GRID2: variants seen among roughly 807,000 people sequenced by gnomAD.
GRID2 encodes the protein glutamate ionotropic receptor delta type subunit 2.
Under a neutral mutation model 114.8 loss-of-function variants are expected in GRID2, and 33 were observed. The observed-to-expected ratio is 0.29, with a 90% confidence interval of 0.22 to 0.38. The LOEUF is 0.38. GRID2 is among the 10% of genes least tolerant of loss of function. GRID2 has a pLI of 1.00. For synonymous variants in GRID2, 505 were observed against 449.9 expected, an observed-to-expected ratio of 1.12 and a Z score of -1.55; for missense variants, 1,184 against 1,257.7, an observed-to-expected ratio of 0.94 and a Z score of 0.89.
At chr4:92,535,743 C>G (rs78303496) in intron 1 of GRID2, among the ~76,000 whole-genome samples, 2,036 of 152,290 alleles carry the variant, frequency 0.013, 24 homozygotes, top group Non-Finnish European at 0.021. Flanking sequence ...TTCTTGGTCT[C>G]GCTAACTTCA....
chr4:93,617,191 C>G lies in GRID2; in HGVS notation c.2194-9078C>G, dbSNP rs538142709. 1.1e-3 allele frequency among the ~76,000 whole-genome samples: 163 copies of G among 152,198 alleles called. 1 individual carries two copies. Among genetic ancestry groups the G allele is most frequent in the African/African-American group, 3.8e-3 (156 of 41,524 alleles). On this transcript the variant is annotated intron_variant, in intron 13 of 15. Transcript: ENST00000282020. ...AACACGTCTGTTAGCAAAATTTTGT[C>G]CTTTTGTTTTCCCACGGCACATTTT...
At chr4:93,794,745 T>G (rs556979681) in intron 1 of GRID2, among the ~76,000 whole-genome samples, 3 of 152,334 alleles carry the variant, frequency 2.0e-5, no homozygotes, top group Admixed American at 2.0e-4. Context: ...AGAAATAAAC[T>G]GTGCTTAACC....
At chr4:92,668,663 T>C (rs12649323) in intron 2 of GRID2, among the ~76,000 whole-genome samples, 9,212 of 151,860 alleles carry the variant, frequency 0.061, 336 homozygotes, top group East Asian at 0.16. Context: ...TGATTAAATG[T>C]AGTAGAGACA....
chr4:93,553,451 C>A (rs750839760), intron 13 of GRID2, among the ~76,000 whole-genome samples: 1 of 152,128 alleles, frequency 6.6e-6, no homozygotes. Flanking sequence ...GAGGTTTATA[C>A]GTATTATAGT....
At position 93,302,191 on chromosome 4, in the gene GRID2, C is replaced by T. The variant is rs548873240; in HGVS notation, c.1245+63701C>T. On this transcript the variant is annotated intron_variant, in intron 8 of 15. Transcript: ENST00000282020. Reference sequence around the variant, plus strand: ...CAGATTTTTTCAATTCTCTTATCTTCGCATTATTAAACATTTTATACATGC... The same window carrying T: ...CAGATTTTTTCAATTCTCTTATCTTTGCATTATTAAACATTTTATACATGC... Among the ~76,000 whole-genome samples, 5 of 152,190 alleles carry T rather than the reference C, an allele frequency of 3.3e-5. No individual in the cohort carries two copies. In the East Asian group the frequency reaches 7.7e-4, roughly 23 times the overall value.
intron 1 of GRID2, among the ~76,000 whole-genome samples, chr4:93,782,462 C>T (rs955224964): frequency 6.6e-6 from 1 of 152,072 alleles, no homozygotes; most frequent in African/African-American, 2.4e-5. Context: ...TCTGCTTCAA[C>T]GTGAGAGTTC....
chr4:92,433,940 C>T (rs1371298558), intron 1 of GRID2, among the ~76,000 whole-genome samples: 1 of 152,100 alleles, frequency 6.6e-6, no homozygotes, highest in African/African-American at 2.4e-5. Context: ...AAAAGAAGAA[C>T]CTAGAATGAG....
At chr4:93,484,563 G>T (rs1252018381) in intron 11 of GRID2, among the ~76,000 whole-genome samples, 1 of 151,848 alleles carries the variant, frequency 6.6e-6, no homozygotes, top group African/African-American at 2.4e-5. Flanking sequence ...GCAACTGGGG[G>T]GCTGCCACAA....
intron 4 of GRID2, among the ~76,000 whole-genome samples, chr4:93,174,272 C>G (rs571311887): frequency 7.2e-5 from 11 of 152,246 alleles, no homozygotes; most frequent in East Asian, 5.8e-4. Context: ...ATACCTCCCC[C>G]CAAAACCCCA....
At chr4:92,500,396 A>G (rs779358079) in intron 1 of GRID2, among the ~76,000 whole-genome samples, 1 of 152,076 alleles carries the variant, frequency 6.6e-6, no homozygotes, top group Non-Finnish European at 1.5e-5. Flanking sequence ...TTAAAAAAAA[A>G]CATATTTTTA....
Position 92,587,098 on chromosome 4 carries a change from CTGTGTGTGTGTG to C in GRID2, c.89-3001_89-2990del, listed in dbSNP as rs70942914. Among the ~76,000 whole-genome samples the C allele has an allele frequency of 5.3e-3, 708 of 133,840 alleles. 8 individuals carry two copies. Among genetic ancestry groups the C allele is most frequent in the African/African-American group, 0.018 (660 of 36,480 alleles). 87.8% of individuals were successfully genotyped at this position (133,840 alleles called of 152,430 possible). ...ATATATAGAGAGTACTGATGAAATG[CTGTGTGTGTGTG>C]TGTGTGTGTGTGTGTGTGTGTGTGT... is the stretch of plus-strand genomic sequence containing the variant. On this transcript the variant is annotated intron_variant, in intron 1 of 15. Transcript: ENST00000282020.
At chr4:92,989,300 A>AAAAAAT (rs1553962743) in intron 2 of GRID2, among the ~76,000 whole-genome samples, 7 of 92,234 alleles carry the variant, frequency 7.6e-5, no homozygotes, top group African/African-American at 3.1e-4. Context: ...AAAAAAAAAA[A>AAAAAAT]AATAATAATA....
chr4:92,493,422 G>T (rs908017114), intron 1 of GRID2, among the ~76,000 whole-genome samples: 3 of 152,122 alleles, frequency 2.0e-5, no homozygotes, highest in African/African-American at 4.8e-5. Flanking sequence ...GGACAAGAGA[G>T]ACATAGCCCA....
intron 2 of GRID2, among the ~76,000 whole-genome samples, chr4:92,675,399 T>C (rs1341662194): frequency 6.6e-6 from 1 of 152,120 alleles, no homozygotes; most frequent in Non-Finnish European, 1.5e-5. Flanking sequence ...TCTTCAGAAT[T>C]TTGGAGCTTT....
chr4:92,875,164 T>G (rs1745535233), intron 2 of GRID2, among the ~76,000 whole-genome samples: 1 of 145,178 alleles, frequency 6.9e-6, no homozygotes, highest in Non-Finnish European at 1.5e-5. Context: ...TTTTTTTTTT[T>G]TTTTTTTTTT....
intron 2 of GRID2, among the ~76,000 whole-genome samples, chr4:92,960,975 C>G (rs1274113312): frequency 1.3e-5 from 2 of 151,832 alleles, no homozygotes; most frequent in Non-Finnish European, 2.9e-5. Context: ...AAATTTACAA[C>G]TAATCCAAGT....
chr4:92,975,588 C>G (rs929793097), intron 2 of GRID2, among the ~76,000 whole-genome samples: 1 of 152,104 alleles, frequency 6.6e-6, no homozygotes, highest in Non-Finnish European at 1.5e-5. Context: ...TCTCTGTCAC[C>G]TCACTTTTTC....
At chr4:93,631,129 G>T (rs573966567) in intron 14 of GRID2, among the ~76,000 whole-genome samples, 2 of 152,036 alleles carry the variant, frequency 1.3e-5, no homozygotes, top group Non-Finnish European at 2.9e-5. Flanking sequence ...CAAAAACTGG[G>T]TCTCTTAACC....
intron 1 of GRID2, among the ~76,000 whole-genome samples, chr4:92,335,502 A>G (rs1481973665): frequency 1.3e-5 from 2 of 152,186 alleles, no homozygotes; most frequent in Admixed American, 6.5e-5. Context: ...GGGAAAAGTT[A>G]TGTTAGGAAG....
Sources: allele counts gnomAD v4.1 joint callset (sites outside exome capture counted in the v4.1 genomes callset), GRCh38; gene constraint gnomAD v4.1.1; transcripts MANE v1.5; gene names NCBI Gene and HGNC (gene_info 2026-07-23, HGNC 2026-07-21).